The following COL5A1 variants were observed in gnomAD, a reference collection of about 807,000 sequenced individuals.
COL5A1 encodes collagen type V alpha 1 chain, also known as collagen alpha-1(V) chain.
A neutral mutation model predicts 263.7 loss-of-function variants in COL5A1; 16 were observed. The observed-to-expected ratio is 0.06, with a 90% CI of 0.04 to 0.09. COL5A1 has a LOEUF of 0.09. COL5A1 is among the 10% of genes least tolerant of loss of function. The pLI is 1.00. For synonymous variants in COL5A1, 1,012 were observed against 1,004.5 expected (o/e 1.01, Z -0.14); for missense variants, 2,036 against 2,540.5 (o/e 0.80, Z 4.27).
chr9:134,734,208 G>C (rs1279842640), intron 9 of COL5A1, among the ~76,000 whole-genome samples: 1 of 152,146 alleles, frequency 6.6e-6, no homozygotes, highest in Non-Finnish European at 1.5e-5. Context: ...GCCGAGAGTC[G>C]AGGTGGCCCC....
At chr9:134,839,282 T>C (rs1172621431) in intron 65 of COL5A1, among the ~76,000 whole-genome samples, 1 of 152,230 alleles carries the variant, frequency 6.6e-6, no homozygotes, top group Non-Finnish European at 1.5e-5. Flanking sequence ...GGGGCCGTTC[T>C]GGCCTGTAAT....
rs576703026 is a variant in COL5A1, at chr9:134,660,589, G to T, written c.109+18293G>T. Among the ~76,000 whole-genome samples the T allele has an allele frequency of 6.6e-5, 10 of 152,256 alleles. No homozygotes were observed. The South Asian group carries it at 2.1e-3, about 32-fold the overall frequency. On this transcript the variant is annotated intron_variant, in intron 1 of 65. Coordinates refer to ENST00000371817, the MANE Select transcript of COL5A1 (RefSeq NM_000093.5). ...CTAGCTAGAGACCAGTGGTGGGAGT[G>T]GTGCCCCTGGAGGTTAAGGAGGGTA...
At chr9:134,659,705 T>G (rs1344593592) in intron 1 of COL5A1, among the ~76,000 whole-genome samples, 1 of 152,154 alleles carries the variant, frequency 6.6e-6, no homozygotes, top group Non-Finnish European at 1.5e-5. Context: ...CGGGGCCTTT[T>G]GGATCCTGTC....
chr9:134,732,722 C>A (rs1375437266), intron 9 of COL5A1: 2 of 172,044 alleles, frequency 1.2e-5, no homozygotes, highest in African/African-American at 2.4e-5. Flanking sequence ...CGGGTGAGTT[C>A]AAAAAGTTAC....
At chr9:134,697,057 T>C (rs918956373) in intron 2 of COL5A1, among the ~76,000 whole-genome samples, 1 of 149,090 alleles carries the variant, frequency 6.7e-6, no homozygotes. Context: ...GGCAACAGAG[T>C]GAGACTCTGT....
rs140485841 is a variant in COL5A1, at chr9:134,834,175, C to T, written c.5137-796C>T. ...TCTCACCCCCAGGGAACCTAATGCC[C>T]CTCTCTGGCCCTGCACCCCTCTACT... On this transcript the variant is annotated intron_variant, in intron 64 of 65. Coordinates refer to ENST00000371817, the MANE Select transcript of COL5A1 (RefSeq NM_000093.5). Among the ~76,000 whole-genome samples, 4 of 152,338 alleles carry T rather than the reference C, an allele frequency of 2.6e-5. No homozygotes were observed. In the East Asian group the frequency reaches 7.7e-4, roughly 29 times the overall value.
intron 42 of COL5A1, among the ~76,000 whole-genome samples, chr9:134,807,857 G>A (rs896099355): frequency 6.6e-6 from 1 of 152,226 alleles, no homozygotes; most frequent in African/African-American, 2.4e-5. Context: ...AAGTCAGCTG[G>A]AAATGGCTTG....
At chr9:134,749,005 G>T in intron 11 of COL5A1, among the ~76,000 whole-genome samples, 1 of 152,240 alleles carries the variant, frequency 6.6e-6, no homozygotes, top group African/African-American at 2.4e-5. Context: ...TTCGGAGCCC[G>T]AGGCGGGTGG....
At chr9:134,721,393 G>A (rs905845040) in intron 4 of COL5A1, among the ~76,000 whole-genome samples, 3 of 151,966 alleles carry the variant, frequency 2.0e-5, no homozygotes, top group Non-Finnish European at 4.4e-5. Context: ...GGGCTGTTCT[G>A]TGCCTCTCGT....
At chr9:134,823,305 TAG>T in intron 60 of COL5A1, 109 bp from the exon 61 acceptor site, 1 of 1,241,070 alleles carries the variant, frequency 8.1e-7, no homozygotes, top group African/African-American at 1.5e-5. Flanking sequence ...CTGTGGCTGA[TAG>T]GGCCACCTCC....
At chr9:134,764,713 C>T (rs992459829) in intron 20 of COL5A1, among the ~76,000 whole-genome samples, 3 of 152,172 alleles carry the variant, frequency 2.0e-5, no homozygotes, top group East Asian at 1.9e-4. Context: ...AGGCAGGGGT[C>T]GGTGCCTGCA....
intron 1 of COL5A1, among the ~76,000 whole-genome samples, chr9:134,676,299 G>A (rs1321681217): frequency 6.6e-6 from 1 of 152,150 alleles, no homozygotes; most frequent in Non-Finnish European, 1.5e-5. Flanking sequence ...AGATGAAAGG[G>A]ATTGTGCTTT....
intron 25 of COL5A1, among the ~76,000 whole-genome samples, chr9:134,771,713 C>T (rs1211164907): frequency 6.6e-6 from 1 of 152,192 alleles, no homozygotes; most frequent in African/African-American, 2.4e-5. Flanking sequence ...GCCACCCTCT[C>T]GTGTTATACC....
intron 9 of COL5A1, among the ~76,000 whole-genome samples, chr9:134,737,669 G>A (rs1293770683): frequency 4.6e-5 from 7 of 152,172 alleles, no homozygotes; most frequent in African/African-American, 1.7e-4. Context: ...TGGGGAAGGG[G>A]TCGGAAGTGG....
At chr9:134,817,139 C>T (rs1838786901) in intron 53 of COL5A1, 60 bp downstream of exon 53, 4 of 1,477,810 alleles carry the variant, frequency 2.7e-6, no homozygotes, top group Non-Finnish European at 3.8e-6. Flanking sequence ...ACCCCCGCCC[C>T]TCCCCGTCAC....
intron 1 of COL5A1, among the ~76,000 whole-genome samples, chr9:134,650,216 C>G (rs1041266110): frequency 6.6e-6 from 1 of 152,086 alleles, no homozygotes; most frequent in Admixed American, 6.5e-5. Context: ...GTGTATGTAG[C>G]AGGAGTGACT....
rs1218925029 is a variant in COL5A1, at chr9:134,642,654, A to G, written c.109+358A>G. Among the ~76,000 whole-genome samples the G allele has an allele frequency of 2.6e-5, 4 of 152,192 alleles. No individual in the cohort carries two copies. The highest frequency in any genetic ancestry group is 4.4e-5 in the Non-Finnish European group (3 of 68,014). ...TCACAGGCGCCCAGCTTGGGCCCTC[A>G]CAGCCCTACAGCAGAACTTCCTCTG... On this transcript the variant is annotated intron_variant, in intron 1 of 65. Transcript: ENST00000371817. This position sits in a 1 kb window ranked among gnomAD's most constrained non-coding sequence, Gnocchi z 4.5.
intron 63 of COL5A1, among the ~76,000 whole-genome samples, chr9:134,829,683 C>T (rs1839510794): frequency 2.0e-5 from 3 of 149,346 alleles, no homozygotes; most frequent in Admixed American, 1.3e-4. Context: ...TCAGTCTCCC[C>T]AAGGGCTGGG....
intron 27 of COL5A1, among the ~76,000 whole-genome samples, chr9:134,776,750 G>A (rs957386702): frequency 7.2e-5 from 11 of 152,200 alleles, no homozygotes; most frequent in African/African-American, 2.4e-4. Context: ...CCTAAAATGG[G>A]TGGCTTGTAA....
Sources: gnomAD v4.1 joint callset for allele counts (sites outside exome capture counted in the v4.1 genomes callset) on GRCh38, gnomAD v4.1.1 for gene constraint, Gnocchi (gnomAD v3.1) non-coding constraint, MANE v1.5 for transcripts, NCBI Gene and HGNC (gene_info 2026-07-23, HGNC 2026-07-21) for gene names.